MSRA: variants seen among roughly 807,000 people sequenced by gnomAD.
The protein encoded by MSRA is methionine sulfoxide reductase A, also known as mitochondrial peptide methionine sulfoxide reductase.
In MSRA, 54 loss-of-function variants were observed where a neutral mutation model predicts 31.3. The ratio of observed to expected loss-of-function variants is 1.73; its 90% confidence interval spans 1.39 to 2.17. MSRA has a LOEUF of 2.17. Ranked by LOEUF, MSRA falls within the 30% of genes most tolerant of loss-of-function variation. The pLI is 0.00. For synonymous variants in MSRA, 169 were observed against 116.5 expected (o/e 1.45, Z -2.90); for missense variants, 507 against 300.9 (o/e 1.69, Z -5.07).
chr8:10,182,144 A>G (rs573967297), intron 1 of MSRA, among the ~76,000 whole-genome samples: 26 of 152,158 alleles, frequency 1.7e-4, no homozygotes, highest in Admixed American at 1.5e-3. Context: ...GGCTTCAGGG[A>G]CTTGCTTGGT....
At chr8:10,095,786 C>G (rs904792004) in intron 1 of MSRA, 7 of 1,191,674 alleles carry the variant, frequency 5.9e-6, no homozygotes, top group South Asian at 4.2e-5. Context: ...CATACAATGA[C>G]GTTTAGTCAC....
At chr8:10,408,308 G>A (rs1431217349) in intron 5 of MSRA, among the ~76,000 whole-genome samples, 8 of 152,150 alleles carry the variant, frequency 5.3e-5, no homozygotes, top group African/African-American at 1.7e-4. Context: ...AGGCTGAGAC[G>A]GGCAGATCAC....
intron 1 of MSRA, among the ~76,000 whole-genome samples, chr8:10,138,565 T>C (rs761986116): frequency 6.6e-6 from 1 of 152,232 alleles, no homozygotes; most frequent in Non-Finnish European, 1.5e-5. Flanking sequence ...GACATTCTTT[T>C]ATTCAATGTA....
intron 3 of MSRA, among the ~76,000 whole-genome samples, chr8:10,252,823 A>T (rs750778911): frequency 6.6e-6 from 1 of 152,222 alleles, no homozygotes; most frequent in East Asian, 1.9e-4. Context: ...AGCCAGTGCT[A>T]TTGAATTCAG....
At chr8:10,380,345 TGG>T (rs1805991626) in intron 5 of MSRA, among the ~76,000 whole-genome samples, 1 of 152,208 alleles carries the variant, frequency 6.6e-6, no homozygotes, top group Non-Finnish European at 1.5e-5. Context: ...GCCTGGCGTT[TGG>T]GTAGACAACT....
chr8:10,139,697 T>G (rs1039535380), intron 1 of MSRA, among the ~76,000 whole-genome samples: 19 of 152,256 alleles, frequency 1.2e-4, no homozygotes, highest in African/African-American at 4.6e-4. Context: ...TCATTCTTTT[T>G]CTTGGCTGAG....
intron 4 of MSRA, among the ~76,000 whole-genome samples, chr8:10,313,162 T>C (rs1801527398): frequency 6.6e-6 from 1 of 152,206 alleles, no homozygotes; most frequent in African/African-American, 2.4e-5. Flanking sequence ...AAGTGACATA[T>C]GCTGCTTCCA....
chr8:10,285,169 G>A (rs1162148399), intron 3 of MSRA, among the ~76,000 whole-genome samples: 2 of 151,980 alleles, frequency 1.3e-5, no homozygotes, highest in East Asian at 3.9e-4. Context: ...TCTTCATCTT[G>A]TAAAACCAAA....
rs140183166 is a variant in MSRA, at chr8:10,408,081, C to G, written c.544-20067C>G. On this transcript the variant is annotated intron_variant, in intron 5 of 5. Coordinates refer to ENST00000317173, the MANE Select transcript of MSRA (RefSeq NM_012331.5). Reference sequence around the variant, plus strand: ...AAGAGTAATCACGAGACCAGGAGCACTAGCAGGAAAACTGTGTCACCACAG... The same window carrying G: ...AAGAGTAATCACGAGACCAGGAGCAGTAGCAGGAAAACTGTGTCACCACAG... Among the ~76,000 whole-genome samples, 981 of 152,240 alleles carry G rather than the reference C, an allele frequency of 6.4e-3. 35 individuals carry two copies. The highest frequency in any genetic ancestry group is 8.3e-3 in the Admixed American group (127 of 15,300).
chr8:10,283,824 TATATATATATATAC>T (rs1365802431), intron 3 of MSRA, among the ~76,000 whole-genome samples: 50 of 69,002 alleles, frequency 7.2e-4, no homozygotes, highest in Non-Finnish European at 1.3e-3. Context: ...TATATATATA[TATATATATATATAC>T]ACACACACAC....
intron 3 of MSRA, among the ~76,000 whole-genome samples, chr8:10,256,989 C>A (rs1386100222): frequency 6.6e-6 from 1 of 152,134 alleles, no homozygotes; most frequent in African/African-American, 2.4e-5. Context: ...CATAATAGCT[C>A]AGTGAAAAAT....
intron 1 of MSRA, among the ~76,000 whole-genome samples, chr8:10,072,633 T>C (rs937098824): frequency 3.9e-5 from 6 of 152,196 alleles, no homozygotes; most frequent in Admixed American, 2.6e-4. Context: ...CAGAATAAAC[T>C]CTCTGTCAAC....
At chr8:10,358,154 C>T (rs549045483) in intron 5 of MSRA, among the ~76,000 whole-genome samples, 7 of 152,260 alleles carry the variant, frequency 4.6e-5, no homozygotes, top group African/African-American at 1.4e-4. Flanking sequence ...GTCTCAAATT[C>T]CTGCCCCCGG....
At chr8:10,127,037 G>A (rs1384552101) in intron 1 of MSRA, among the ~76,000 whole-genome samples, 8 of 152,204 alleles carry the variant, frequency 5.3e-5, no homozygotes, top group African/African-American at 1.9e-4. Flanking sequence ...CTGCTCTAGA[G>A]TTAACTACAG....
intron 5 of MSRA, among the ~76,000 whole-genome samples, chr8:10,364,182 G>C (rs1464571200): frequency 6.6e-6 from 1 of 152,162 alleles, no homozygotes; most frequent in Non-Finnish European, 1.5e-5. Context: ...CAGAACACCT[G>C]ATTGCAATAT....
At chr8:10,098,434 A>G (rs1169985233) in intron 1 of MSRA, among the ~76,000 whole-genome samples, 3 of 152,174 alleles carry the variant, frequency 2.0e-5, no homozygotes, top group African/African-American at 4.8e-5. Context: ...CCAGTATTTT[A>G]TAATTACTCG....
chr8:10,308,394 C>T lies in MSRA; in HGVS notation c.436+6756C>T, dbSNP rs957623285. Among the ~76,000 whole-genome samples, 4 of 152,184 alleles carry T rather than the reference C, an allele frequency of 2.6e-5. No homozygotes were observed. In the South Asian group the frequency reaches 6.2e-4, roughly 24 times the overall value. On this transcript the variant is annotated intron_variant, in intron 4 of 5. Transcript: ENST00000317173. Reference sequence around the variant, plus strand: ...CTGTGAACCAGATCGGCCCGGCACTCGCTGTGCGGACAGGCCTCATTTCTC... The same window carrying T: ...CTGTGAACCAGATCGGCCCGGCACTTGCTGTGCGGACAGGCCTCATTTCTC...
chr8:10,389,949 C>A lies in MSRA; in HGVS notation c.544-38199C>A, dbSNP rs1373139731. 2.0e-5 allele frequency among the ~76,000 whole-genome samples: 3 copies of A among 152,162 alleles called. No individual in the cohort carries two copies. The East Asian group carries it at 5.8e-4, about 29-fold the overall frequency. ...AAACGGTCAGATTCTGCTTTTGACC[C>A]ACCTGAGCCCACTCCCTGCATGGCT... On this transcript the variant is annotated intron_variant, in intron 5 of 5. Coordinates refer to ENST00000317173, the MANE Select transcript of MSRA (RefSeq NM_012331.5).
chr8:10,059,794 C>G (rs1802603806), intron 1 of MSRA, among the ~76,000 whole-genome samples: 1 of 152,138 alleles, frequency 6.6e-6, no homozygotes, highest in South Asian at 2.1e-4. Flanking sequence ...AATAAAAACA[C>G]CAACATCCAT....
Sources: allele counts gnomAD v4.1 joint callset (sites outside exome capture counted in the v4.1 genomes callset), GRCh38; gene constraint gnomAD v4.1.1; transcripts MANE v1.5; gene names NCBI Gene and HGNC (gene_info 2026-07-23, HGNC 2026-07-21).